PTPRK: variants seen among roughly 807,000 people sequenced by gnomAD.
PTPRK encodes the protein protein tyrosine phosphatase receptor type K.
Under a neutral mutation model 178.0 loss-of-function variants are expected in PTPRK, and 75 were observed. The ratio of observed to expected loss-of-function variants is 0.42; its 90% CI spans 0.35 to 0.51. PTPRK has a LOEUF of 0.51. Among genes scored for constraint, PTPRK ranks in the 20% least tolerant of loss-of-function variants. The probability of loss-of-function intolerance (pLI) is 0.02; values close to 1 mark genes in which losing one functional copy is unlikely to be tolerated. For synonymous variants in PTPRK, 637 were observed against 620.6 expected, an observed-to-expected ratio of 1.03 and a Z score of -0.39; for missense variants, 1,441 against 1,797.8, an observed-to-expected ratio of 0.80 and a Z score of 3.59.
intron 5 of PTPRK, among the ~76,000 whole-genome samples, chr6:128,223,569 A>G (rs1032859696): frequency 6.6e-6 from 1 of 152,130 alleles, no homozygotes; most frequent in Non-Finnish European, 1.5e-5. Context: ...TATATAATTA[A>G]TGAGTACAAA....
chr6:128,125,246 C>T (rs1452505069), intron 7 of PTPRK, among the ~76,000 whole-genome samples: 4 of 152,162 alleles, frequency 2.6e-5, no homozygotes, highest in African/African-American at 9.7e-5. Context: ...GGAGGTGGGA[C>T]CTGGTGGGAG....
intron 2 of PTPRK, among the ~76,000 whole-genome samples, chr6:128,328,111 C>T (rs950397800): frequency 6.6e-6 from 1 of 152,182 alleles, no homozygotes; most frequent in African/African-American, 2.4e-5. Context: ...TGCAGTACCA[C>T]CAACTAAAAA....
At chr6:128,153,480 GA>G (rs938683945) in intron 7 of PTPRK, among the ~76,000 whole-genome samples, 1 of 151,372 alleles carries the variant, frequency 6.6e-6, no homozygotes, top group South Asian at 2.1e-4. Flanking sequence ...GCTATCAAAA[GA>G]AAAAAAAGTG....
intron 8 of PTPRK, chr6:128,084,988 T>G (rs940070984): frequency 6.6e-6 from 1 of 152,146 alleles, no homozygotes; most frequent in African/African-American, 2.4e-5. Context: ...TAAAAATCAC[T>G]GGATCAAGGG....
At chr6:128,291,175 T>C (rs770588928) in intron 3 of PTPRK, among the ~76,000 whole-genome samples, 23 of 151,948 alleles carry the variant, frequency 1.5e-4, no homozygotes, top group Admixed American at 1.2e-3. Context: ...TCCGAAGCAA[T>C]GTAGCTACAG....
chr6:128,014,812 T>C (rs1779426697), intron 13 of PTPRK, among the ~76,000 whole-genome samples: 1 of 151,632 alleles, frequency 6.6e-6, no homozygotes, highest in African/African-American at 2.4e-5. Context: ...AACTCAATGA[T>C]CTTTTGAAGT....
At chr6:128,396,978 A>G (rs1840394499) in intron 2 of PTPRK, among the ~76,000 whole-genome samples, 1 of 152,176 alleles carries the variant, frequency 6.6e-6, no homozygotes, top group African/African-American at 2.4e-5. Flanking sequence ...AGCCTGGGTG[A>G]CAGAGTGAGA....
At chr6:128,254,989 G>T (rs1041421815) in intron 3 of PTPRK, among the ~76,000 whole-genome samples, 2 of 152,008 alleles carry the variant, frequency 1.3e-5, no homozygotes, top group African/African-American at 4.8e-5. Context: ...ATAAAATCAG[G>T]GTTTTGTTTT....
intron 1 of PTPRK, among the ~76,000 whole-genome samples, chr6:128,405,166 A>G (rs1656159819): frequency 6.6e-6 from 1 of 152,196 alleles, no homozygotes; most frequent in African/African-American, 2.4e-5. Flanking sequence ...AATTTCTACA[A>G]ATAATTTTAT....
chr6:128,323,093 C>T (rs1055619580), intron 2 of PTPRK, among the ~76,000 whole-genome samples: 1 of 152,100 alleles, frequency 6.6e-6, no homozygotes, highest in African/African-American at 2.4e-5. Flanking sequence ...CCAATCTACT[C>T]TATCCCTTTG....
chr6:127,972,773 G>GA lies in PTPRK; in HGVS notation c.4269+248dup, dbSNP rs530325486. 4.1e-3 allele frequency among the ~76,000 whole-genome samples: 630 copies of GA among 151,856 alleles called. 8 individuals are homozygous for GA. Among genetic ancestry groups the GA allele is most frequent in the African/African-American group, 0.015 (604 of 41,386 alleles). ...CAGCAAATATTTTTTGGCTATAACAGAAAAAAAATCCTACAAATTTCCCAA... is the reference window on the plus strand; with the variant it reads ...CAGCAAATATTTTTTGGCTATAACAGAAAAAAAAATCCTACAAATTTCCCAA... On this transcript the variant is annotated intron_variant, in intron 29 of 29. Transcript: ENST00000368226.
intron 4 of PTPRK, chr6:128,241,138 TTC>T: frequency 1.3e-5 from 6 of 460,990 alleles, no homozygotes; most frequent in Admixed American, 2.5e-5. Context: ...GATGATTTTG[TTC>T]TCTCTTTTCT....
At chr6:128,424,923 T>A (rs1843927918) in intron 1 of PTPRK, among the ~76,000 whole-genome samples, 1 of 152,172 alleles carries the variant, frequency 6.6e-6, no homozygotes, top group African/African-American at 2.4e-5. Context: ...CTGCCAGCTA[T>A]ATTCCTTTCC....
At chr6:128,444,488 C>T (rs946417135) in intron 1 of PTPRK, among the ~76,000 whole-genome samples, 1 of 152,054 alleles carries the variant, frequency 6.6e-6, no homozygotes, top group Admixed American at 6.6e-5. Flanking sequence ...ATGCTGTATT[C>T]AGAAGTAAGC....
Position 128,005,120 on chromosome 6 carries a change from T to G in PTPRK, c.2458A>C (p.Ile820Leu), listed in dbSNP as rs142735468. ...AAGTTATGTTGGTCCATGAAGGTGA[T>G]GGAAAGAGGATCTTCTGCATGCAGA... is the stretch of plus-strand genomic sequence containing the variant. ...STLHAEDPLSITFMDQHNFSP... is the reference protein window; with the variant it reads ...STLHAEDPLSLTFMDQHNFSP... The change falls in exon 15 of 30, where the codon ATC becomes CTC. Residue 820 changes from isoleucine to leucine, a missense_variant. Physicochemically the swap from Ile to Leu is conservative, Grantham distance 5. Around this residue, in one of 4 missense-constraint regions of PTPRK, gnomAD observed 945 missense variants for 1,080.6 expected, o/e 0.87. Coordinates refer to ENST00000368226, the MANE Select transcript of PTPRK (RefSeq NM_002844.4). 6.2e-7 allele frequency: 1 copy of G among 1,610,550 alleles called. No homozygotes were observed. Among genetic ancestry groups the G allele is most frequent in the Non-Finnish European group, 8.5e-7 (1 of 1,177,898 alleles).
At chr6:128,477,757 T>A (rs932678559) in intron 1 of PTPRK, among the ~76,000 whole-genome samples, 1 of 152,130 alleles carries the variant, frequency 6.6e-6, no homozygotes, top group Non-Finnish European at 1.5e-5. Flanking sequence ...GAGAAAACAT[T>A]CAAATATACA....
chr6:128,329,053 T>C (rs906970293), intron 2 of PTPRK, among the ~76,000 whole-genome samples: 1 of 152,136 alleles, frequency 6.6e-6, no homozygotes, highest in Non-Finnish European at 1.5e-5. Context: ...ATAAGCAATT[T>C]TGACCTCATG....
chr6:128,475,503 T>C (rs1032737535), intron 1 of PTPRK, among the ~76,000 whole-genome samples: 1 of 152,042 alleles, frequency 6.6e-6, no homozygotes, highest in Non-Finnish European at 1.5e-5. Flanking sequence ...AGGTCTTAAC[T>C]ACATCAGTAC....
intron 11 of PTPRK, among the ~76,000 whole-genome samples, chr6:128,075,249 C>T (rs1000122068): frequency 7.2e-5 from 11 of 152,060 alleles, no homozygotes; most frequent in Non-Finnish European, 1.3e-4. Context: ...CCAGTCCATT[C>T]TCTATGTTTC....
Sources: gnomAD v4.1 joint callset for allele counts (sites outside exome capture counted in the v4.1 genomes callset) on GRCh38, gnomAD v4.1.1 for gene constraint, gnomAD v4.1.1 regional missense constraint, MANE v1.5 for transcripts, NCBI Gene and HGNC (gene_info 2026-07-23, HGNC 2026-07-21) for gene names.